CNTN5: variants seen among roughly 807,000 people sequenced by gnomAD.
CNTN5 encodes the protein contactin-5.
Under a neutral mutation model 129.1 loss-of-function variants are expected in CNTN5, and 77 were observed. The observed-to-expected ratio is 0.60, with a 90% confidence interval of 0.50 to 0.72. CNTN5 has a LOEUF of 0.72. Ranked by LOEUF, CNTN5 falls within the 30% of genes least tolerant of loss-of-function variation. The probability of loss-of-function intolerance (pLI) is 0.00; values close to 1 mark genes in which losing one functional copy is unlikely to be tolerated. For missense variants in CNTN5, 1,478 were observed against 1,328.8 expected, an observed-to-expected ratio of 1.11 and a Z score of -1.75; for synonymous variants, 509 against 465.6, an observed-to-expected ratio of 1.09 and a Z score of -1.20.
intron 3 of CNTN5, among the ~76,000 whole-genome samples, chr11:99,734,890 C>T (rs1943650680): frequency 6.6e-6 from 1 of 152,164 alleles, no homozygotes; most frequent in South Asian, 2.1e-4. Flanking sequence ...CGCCTGTAGT[C>T]CCAGCTACTA....
chr11:100,026,104 C>T (rs1389531606), intron 9 of CNTN5, among the ~76,000 whole-genome samples: 1 of 152,084 alleles, frequency 6.6e-6, no homozygotes, highest in Non-Finnish European at 1.5e-5. Context: ...CCCCATGTGT[C>T]AAGGGAGAGA....
intron 13 of CNTN5, among the ~76,000 whole-genome samples, chr11:100,120,897 G>A (rs1371838948): frequency 6.6e-6 from 1 of 151,604 alleles, no homozygotes; most frequent in African/African-American, 2.4e-5. Flanking sequence ...TAACACATAA[G>A]TAATTCGATA....
chr11:99,086,655 C>A (rs528770063), intron 1 of CNTN5, among the ~76,000 whole-genome samples: 2 of 152,216 alleles, frequency 1.3e-5, no homozygotes, highest in South Asian at 2.1e-4. Context: ...AACTCCAGGA[C>A]CTGCTGTACT....
intron 4 of CNTN5, among the ~76,000 whole-genome samples, chr11:99,828,780 T>C (rs1947047832): frequency 6.6e-6 from 1 of 152,176 alleles, no homozygotes; most frequent in African/African-American, 2.4e-5. Flanking sequence ...TGTATCTTTA[T>C]CTTCAGTGGT....
intron 13 of CNTN5, among the ~76,000 whole-genome samples, chr11:100,161,275 G>A (rs1423082619): frequency 6.6e-6 from 1 of 151,816 alleles, no homozygotes; most frequent in Non-Finnish European, 1.5e-5. Flanking sequence ...TCCCCTTGAA[G>A]AAGGCCCAAG....
At chr11:99,595,932 T>C (rs184764570) in intron 3 of CNTN5, among the ~76,000 whole-genome samples, 3 of 152,250 alleles carry the variant, frequency 2.0e-5, no homozygotes, top group Admixed American at 1.3e-4. Context: ...GCCACATCAG[T>C]ATCACTTGGG....
rs113003836 is a variant in CNTN5, at chr11:99,777,367, G to A, written c.56-42177G>A. Among the ~76,000 whole-genome samples, 262 of 151,832 alleles carry A rather than the reference G, an allele frequency of 1.7e-3. 1 individual carries two copies. Among genetic ancestry groups the A allele is most frequent in the African/African-American group, 5.5e-3 (230 of 41,498 alleles). On this transcript the variant is annotated intron_variant, in intron 3 of 24. Coordinates refer to ENST00000524871, the MANE Select transcript of CNTN5 (RefSeq NM_014361.4). Reference sequence around the variant, plus strand: ...TGTTCTTCTGTTCAGGTTGTTTTTTGCATTTAGTTATAAAAGTTAATTCTA... The same window carrying A: ...TGTTCTTCTGTTCAGGTTGTTTTTTACATTTAGTTATAAAAGTTAATTCTA...
At chr11:99,704,094 C>A (rs568569814) in intron 3 of CNTN5, among the ~76,000 whole-genome samples, 1 of 150,162 alleles carries the variant, frequency 6.7e-6, no homozygotes, top group East Asian at 2.0e-4. Context: ...TATACATACA[C>A]CCATATGCAT....
chr11:99,719,877 C>G (rs565782922), intron 3 of CNTN5, among the ~76,000 whole-genome samples: 5 of 151,946 alleles, frequency 3.3e-5, no homozygotes, highest in African/African-American at 4.8e-5. Flanking sequence ...AATAAAAGCA[C>G]CCATCAGAAA....
In CNTN5 at chr11:100,341,152, G is replaced by A. The variant is rs1200549984; in HGVS notation, c.2977G>A (p.Gly993Ser). 1.2e-6 allele frequency: 2 copies of A among 1,613,818 alleles called. No individual in the cohort carries two copies. Among genetic ancestry groups the A allele is most frequent in the Non-Finnish European group, 1.7e-6 (2 of 1,179,802 alleles). ...GCAGCAAGGCTCTCAGGTTTCTCTG[G>A]GCTGGGAACCCGTCATACCATTAGC... ...WEQQGSQVSL[G>S]WEPVIPLANE... Residue 993 changes from glycine to serine, a missense_variant, in exon 23 of 25, where the codon GGC becomes AGC. Gly to Ser is a moderately conservative substitution (Grantham distance 56). Coordinates refer to ENST00000524871, the MANE Select transcript of CNTN5 (RefSeq NM_014361.4).
chr11:99,970,054 A>T (rs2084989), intron 8 of CNTN5, among the ~76,000 whole-genome samples: 1 of 152,126 alleles, frequency 6.6e-6, no homozygotes, highest in Non-Finnish European at 1.5e-5. Flanking sequence ...TTCTGGGTCA[A>T]TTAGACTCCT....
chr11:99,671,253 T>C (rs1031612683), intron 3 of CNTN5, among the ~76,000 whole-genome samples: 5 of 152,118 alleles, frequency 3.3e-5, no homozygotes, highest in African/African-American at 1.2e-4. Flanking sequence ...AACACAGAGA[T>C]TGCGTTTATC....
intron 3 of CNTN5, 46 bp from the exon 4 acceptor site, chr11:99,819,498 C>G: frequency 6.7e-7 from 1 of 1,500,946 alleles, no homozygotes; most frequent in Non-Finnish European, 9.2e-7. Flanking sequence ...AAAAAATAAA[C>G]TAGTTTCCTC....
chr11:99,583,300 A>T (rs543788049), intron 3 of CNTN5, among the ~76,000 whole-genome samples: 1 of 152,176 alleles, frequency 6.6e-6, no homozygotes, highest in Non-Finnish European at 1.5e-5. Context: ...CTGTCTGCCC[A>T]TTCTCAGATC....
chr11:99,166,344 T>G (rs1197456763), intron 1 of CNTN5, among the ~76,000 whole-genome samples: 1 of 142,956 alleles, frequency 7.0e-6, no homozygotes, highest in East Asian at 2.0e-4. Context: ...GAGGTTGCAG[T>G]GAGCCAAGAT....
At chr11:100,037,765 T>C (rs1217209547) in intron 9 of CNTN5, among the ~76,000 whole-genome samples, 1 of 152,336 alleles carries the variant, frequency 6.6e-6, no homozygotes, top group African/African-American at 2.4e-5. Flanking sequence ...TAGAGGTGTT[T>C]ATAGTATTCT....
intron 9 of CNTN5, among the ~76,000 whole-genome samples, chr11:100,006,094 A>G (rs987360707): frequency 6.6e-6 from 1 of 152,212 alleles, no homozygotes; most frequent in Non-Finnish European, 1.5e-5. Flanking sequence ...ATTATATTGT[A>G]TGTTATTAAG....
intron 2 of CNTN5, among the ~76,000 whole-genome samples, chr11:99,388,041 C>A (rs1180879482): frequency 6.6e-6 from 1 of 152,096 alleles, no homozygotes; most frequent in Non-Finnish European, 1.5e-5. Context: ...TCCTGATTCT[C>A]CTACATATAT....
At chr11:99,608,689 A>G (rs1378685405) in intron 3 of CNTN5, among the ~76,000 whole-genome samples, 1 of 152,136 alleles carries the variant, frequency 6.6e-6, no homozygotes, top group African/African-American at 2.4e-5. Context: ...TGAGATGCTA[A>G]ACTTGTGTTG....
Sources: allele counts gnomAD v4.1 joint callset (sites outside exome capture counted in the v4.1 genomes callset), GRCh38; gene constraint gnomAD v4.1.1; transcripts MANE v1.5; gene names NCBI Gene and HGNC (gene_info 2026-07-23, HGNC 2026-07-21).